The following GBE1 variants were observed in gnomAD, a reference collection of about 807,000 sequenced individuals.
The protein encoded by GBE1 is 1,4-alpha-glucan-branching enzyme.
In GBE1, 70 loss-of-function variants were observed where a neutral mutation model predicts 88.8. The observed-to-expected ratio is 0.79, with a 90% CI of 0.65 to 0.96. The LOEUF (loss-of-function observed/expected upper bound fraction) is 0.96, where lower values mean the gene tolerates loss of function less well. GBE1 is among the 40% of genes least tolerant of loss of function. The pLI, the probability that GBE1 is intolerant of heterozygous loss-of-function variation, is 0.00. For missense variants in GBE1, 872 were observed against 871.0 expected (o/e 1.00, Z -0.01); for synonymous variants, 284 against 300.1 (o/e 0.95, Z 0.56).
chr3:81,534,109 T>TGGCA (rs1703043780), intron 14 of GBE1, among the ~76,000 whole-genome samples: 1 of 152,032 alleles, frequency 6.6e-6, no homozygotes, highest in Non-Finnish European at 1.5e-5. Flanking sequence ...CTTGCTCAGG[T>TGGCA]GGCAGATGCT....
intron 1 of GBE1, among the ~76,000 whole-genome samples, chr3:81,742,959 TTC>T (rs1553695933): frequency 6.6e-6 from 1 of 152,066 alleles, no homozygotes; most frequent in Admixed American, 6.6e-5. Flanking sequence ...TAATAAATAT[TTC>T]TAGATTCCTA....
intron 1 of GBE1, among the ~76,000 whole-genome samples, chr3:81,753,978 C>A (rs567987998): frequency 1.3e-5 from 2 of 152,106 alleles, no homozygotes; most frequent in East Asian, 3.8e-4. Context: ...GCAAGAGATA[C>A]AGCTAAAGGG....
chr3:81,605,458 C>T (rs987510823), intron 7 of GBE1, among the ~76,000 whole-genome samples: 1 of 152,076 alleles, frequency 6.6e-6, no homozygotes, highest in Admixed American at 6.6e-5. Flanking sequence ...AGCTTGGGTG[C>T]TTTACCTCTA....
At chr3:81,586,678 C>T (rs1703806790) in intron 9 of GBE1, among the ~76,000 whole-genome samples, 1 of 152,054 alleles carries the variant, frequency 6.6e-6, no homozygotes, top group Admixed American at 6.6e-5. Context: ...ATAGCTTTTA[C>T]TAGAGTAGGT....
intron 1 of GBE1, among the ~76,000 whole-genome samples, chr3:81,722,448 T>A (rs1247285368): frequency 6.6e-6 from 1 of 151,998 alleles, no homozygotes; most frequent in East Asian, 1.9e-4. Flanking sequence ...TTTTCTATTT[T>A]TTCCTACTAT....
intron 2 of GBE1, among the ~76,000 whole-genome samples, chr3:81,704,777 A>C (rs577259993): frequency 4.6e-5 from 7 of 152,218 alleles, no homozygotes; most frequent in African/African-American, 1.7e-4. Flanking sequence ...TTTACCCTTC[A>C]AGAATAAAAC....
At chr3:81,571,386 T>C (rs1484961743) in intron 12 of GBE1, among the ~76,000 whole-genome samples, 1 of 152,206 alleles carries the variant, frequency 6.6e-6, no homozygotes, top group Non-Finnish European at 1.5e-5. Flanking sequence ...TCATGGGGAA[T>C]ATGTTTTATA....
chr3:81,744,786 G>C (rs1706399768), intron 1 of GBE1, among the ~76,000 whole-genome samples: 1 of 152,136 alleles, frequency 6.6e-6, no homozygotes, highest in African/African-American at 2.4e-5. Flanking sequence ...CTGTATAAAA[G>C]TTCAAATGAT....
At chr3:81,500,178 GCCT>G (rs1349663862) in intron 14 of GBE1, among the ~76,000 whole-genome samples, 2 of 152,044 alleles carry the variant, frequency 1.3e-5, no homozygotes, top group Non-Finnish European at 2.9e-5. Flanking sequence ...TAGTAGTGTT[GCCT>G]CCATTTTAGT....
chr3:81,620,938 T>C (rs1453713829), intron 7 of GBE1, among the ~76,000 whole-genome samples: 2 of 152,204 alleles, frequency 1.3e-5, no homozygotes, highest in East Asian at 3.9e-4. Context: ...ATGTGTAAAG[T>C]CACAGAGACT....
At chr3:81,596,070 T>G (rs902646627) in intron 7 of GBE1, among the ~76,000 whole-genome samples, 2 of 151,958 alleles carry the variant, frequency 1.3e-5, no homozygotes. Context: ...TTTAATTTCT[T>G]TTATATTTTA....
intron 3 of GBE1, among the ~76,000 whole-genome samples, chr3:81,651,772 A>C (rs1301462180): frequency 6.6e-6 from 1 of 152,162 alleles, no homozygotes; most frequent in Admixed American, 6.5e-5. Flanking sequence ...AATACCTCCA[A>C]AGGCCCATCA....
chr3:81,705,022 A>G (rs1242631493), intron 2 of GBE1, among the ~76,000 whole-genome samples: 1 of 152,140 alleles, frequency 6.6e-6, no homozygotes, highest in African/African-American at 2.4e-5. Context: ...GAAGACTCCG[A>G]AAAGAGTATA....
At chr3:81,549,992 T>C (rs962412644) in intron 12 of GBE1, among the ~76,000 whole-genome samples, 29 of 151,442 alleles carry the variant, frequency 1.9e-4, no homozygotes, top group Non-Finnish European at 3.1e-4. Context: ...GATCTCTGGA[T>C]GCTGCTCAAA....
intron 12 of GBE1, among the ~76,000 whole-genome samples, chr3:81,570,142 A>G (rs535835245): frequency 1.3e-5 from 2 of 152,310 alleles, no homozygotes; most frequent in South Asian, 2.1e-4. Flanking sequence ...CAAAGACAAT[A>G]TTAATTTTCA....
intron 7 of GBE1, among the ~76,000 whole-genome samples, chr3:81,599,699 T>C (rs1418266785): frequency 6.6e-6 from 1 of 152,200 alleles, no homozygotes; most frequent in Non-Finnish European, 1.5e-5. Flanking sequence ...ACTGTACATA[T>C]ATACAGACAT....
At chr3:81,682,953 A>G (rs938032464) in intron 2 of GBE1, among the ~76,000 whole-genome samples, 1 of 152,230 alleles carries the variant, frequency 6.6e-6, no homozygotes, top group Non-Finnish European at 1.5e-5. Context: ...TACAACATGG[A>G]ACCTTGTACA....
chr3:81,528,887 T>A (rs187743299), intron 14 of GBE1, among the ~76,000 whole-genome samples: 1 of 152,064 alleles, frequency 6.6e-6, no homozygotes, highest in Non-Finnish European at 1.5e-5. Flanking sequence ...GCATGTTTAT[T>A]GTAGGCAGTA....
intron 1 of GBE1, among the ~76,000 whole-genome samples, chr3:81,754,547 G>C (rs1430975738): frequency 2.0e-5 from 3 of 150,226 alleles, no homozygotes; most frequent in Admixed American, 2.0e-4. Context: ...AAAAAAGCTG[G>C]AGGCATCATA....
Sources: allele counts gnomAD v4.1 joint callset (sites outside exome capture counted in the v4.1 genomes callset), GRCh38; gene constraint gnomAD v4.1.1; transcripts MANE v1.5; gene names NCBI Gene and HGNC (gene_info 2026-07-23, HGNC 2026-07-21).